The following RAB27A variants were observed in gnomAD, a reference collection of about 807,000 sequenced individuals.
The protein encoded by RAB27A is ras-related protein Rab-27A.
A neutral mutation model predicts 20.8 loss-of-function variants in RAB27A; 17 were observed. The observed-to-expected ratio is 0.82, with a 90% confidence interval of 0.56 to 1.23. The LOEUF (loss-of-function observed/expected upper bound fraction) is 1.23. Ranked by LOEUF, RAB27A falls within the 50% of genes most tolerant of loss-of-function variation. The pLI is 0.00. For synonymous variants in RAB27A, 85 were observed against 92.8 expected (o/e 0.92, Z 0.48); for missense variants, 277 against 266.7 (o/e 1.04, Z -0.27).
At chr15:55,294,849 A>G (rs749329019) in intron 2 of RAB27A, among the ~76,000 whole-genome samples, 2 of 152,104 alleles carry the variant, frequency 1.3e-5, no homozygotes, top group Non-Finnish European at 2.9e-5. Context: ...GACTTCACCA[A>G]ATTTTTTGTA....
chr15:55,304,189 G>A (rs1438402589), intron 2 of RAB27A, among the ~76,000 whole-genome samples: 11 of 151,832 alleles, frequency 7.2e-5, no homozygotes, highest in Non-Finnish European at 1.0e-4. Flanking sequence ...TCTGAAACAT[G>A]TGCTGTGTCC....
At chr15:55,253,143 A>G (rs962281583) in intron 2 of RAB27A, among the ~76,000 whole-genome samples, 5 of 147,494 alleles carry the variant, frequency 3.4e-5, no homozygotes, top group African/African-American at 5.0e-5. Flanking sequence ...GAAAAAAAAA[A>G]AAAGAAAGAA....
intron 2 of RAB27A, among the ~76,000 whole-genome samples, chr15:55,236,388 C>T (rs1034486214): frequency 2.0e-5 from 3 of 152,106 alleles, no homozygotes; most frequent in Admixed American, 6.6e-5. Context: ...AGTATCACTG[C>T]TCACTTGGGA....
At chr15:55,233,500 T>C (rs1232044384) in intron 3 of RAB27A, among the ~76,000 whole-genome samples, 1 of 152,284 alleles carries the variant, frequency 6.6e-6, no homozygotes, top group East Asian at 1.9e-4. Flanking sequence ...GTAGCTATAA[T>C]AAGTAATGAA....
intron 2 of RAB27A, among the ~76,000 whole-genome samples, chr15:55,248,042 T>G (rs1217321485): frequency 1.3e-5 from 2 of 151,406 alleles, no homozygotes; most frequent in African/African-American, 4.9e-5. Flanking sequence ...CACGCCATTC[T>G]CCTGCCTCAG....
intron 2 of RAB27A, among the ~76,000 whole-genome samples, chr15:55,299,054 C>T (rs1053654250): frequency 2.2e-4 from 33 of 152,156 alleles, no homozygotes; most frequent in Non-Finnish European, 4.0e-4. Flanking sequence ...TGACATACAT[C>T]CTCCTCAGCT....
rs1894487042 is a variant in RAB27A at position 55,203,421 on chromosome 15, T to TTC, written c.*2085_*2086insGA. ...TGATTATGACCCTGCTCTTTTTTTT[T>TTC]TTTTTTTTTTTTGAGACAGAGTCTC... On this transcript the variant is annotated 3_prime_UTR_variant, in exon 7 of 7. Transcript: ENST00000336787. The TTC allele has an allele frequency of 1.4e-5, 2 of 146,670 alleles. No homozygotes were observed. The highest frequency in any genetic ancestry group is 5.1e-5 in the African/African-American group (2 of 38,936). The allele number at this position is 146,670 out of a possible 1,614,324, so 9.1% of individuals were successfully genotyped here.
chr15:55,209,556 T>C (rs1170367492), intron 6 of RAB27A, among the ~76,000 whole-genome samples: 1 of 152,060 alleles, frequency 6.6e-6, no homozygotes, highest in African/African-American at 2.4e-5. Flanking sequence ...GGTAGATTGA[T>C]TGCATATCTT....
intron 2 of RAB27A, among the ~76,000 whole-genome samples, chr15:55,308,038 C>T (rs1390051634): frequency 6.6e-6 from 1 of 152,138 alleles, no homozygotes; most frequent in African/African-American, 2.4e-5. Context: ...TGAGGTTCCC[C>T]ATTCTATTTC....
intron 2 of RAB27A, among the ~76,000 whole-genome samples, chr15:55,313,541 T>A (rs570601292): frequency 6.6e-6 from 1 of 152,204 alleles, no homozygotes; most frequent in African/African-American, 2.4e-5. Context: ...AAGGAACATA[T>A]AGTACTTTTG....
chr15:55,214,367 T>C (rs1458312827), intron 6 of RAB27A, among the ~76,000 whole-genome samples: 3 of 151,922 alleles, frequency 2.0e-5, no homozygotes, highest in Admixed American at 6.6e-5. Flanking sequence ...ACCCAGGAGG[T>C]GGAGCTTGCT....
intron 1 of RAB27A, among the ~76,000 whole-genome samples, chr15:55,271,665 A>G (rs1378861640): frequency 6.6e-6 from 1 of 152,244 alleles, no homozygotes; most frequent in African/African-American, 2.4e-5. Flanking sequence ...TCTTGAAGAC[A>G]GGGGTTGTAT....
intron 2 of RAB27A, among the ~76,000 whole-genome samples, chr15:55,236,488 C>G (rs1331155010): frequency 6.6e-6 from 1 of 152,152 alleles, no homozygotes; most frequent in African/African-American, 2.4e-5. Flanking sequence ...GGTACTCTAT[C>G]AAGAACTGCT....
At position 55,260,650 on chromosome 15, in the gene RAB27A, C is replaced by A. The variant is rs546274964; in HGVS notation, c.-23+9515G>T. Among the ~76,000 whole-genome samples, 150 of 152,206 alleles carry A rather than the reference C, an allele frequency of 9.9e-4. 1 individual carries two copies. The highest frequency in any genetic ancestry group is 3.1e-3 in the Admixed American group (48 of 15,290). ...CAAGCCATGAAAAAACATGGAAGAA[C>A]CTTAAATGCATATTACTAACTGAAA... On this transcript the variant is annotated intron_variant, in intron 2 of 6. Transcript: ENST00000336787.
At chr15:55,218,025 C>A (rs1352974121) in intron 6 of RAB27A, among the ~76,000 whole-genome samples, 1 of 152,186 alleles carries the variant, frequency 6.6e-6, no homozygotes, top group Non-Finnish European at 1.5e-5. Context: ...AGGTCAGCAT[C>A]CTGATTTCTT....
chr15:55,262,752 C>CCT (rs1897321920), intron 2 of RAB27A, among the ~76,000 whole-genome samples: 1 of 151,764 alleles, frequency 6.6e-6, no homozygotes, highest in Non-Finnish European at 1.5e-5. Flanking sequence ...CCCGCCCCAG[C>CCT]CTCCCTTGTC....
chr15:55,274,714 G>T (rs1174146566), intron 1 of RAB27A, among the ~76,000 whole-genome samples: 2 of 147,718 alleles, frequency 1.4e-5, no homozygotes, highest in Non-Finnish European at 3.0e-5. Flanking sequence ...GGAAGCAGAA[G>T]TTGCAGTGAG....
At chr15:55,311,425 T>C (rs934470898) in intron 2 of RAB27A, among the ~76,000 whole-genome samples, 1 of 152,236 alleles carries the variant, frequency 6.6e-6, no homozygotes, top group Non-Finnish European at 1.5e-5. Context: ...CTGTGGTTCA[T>C]TGTTTACCCC....
At chr15:55,270,077 T>C (rs1192171087) in intron 2 of RAB27A, 88 bp downstream of exon 2, 1 of 151,994 alleles carries the variant, frequency 6.6e-6, no homozygotes, top group Non-Finnish European at 1.5e-5. Flanking sequence ...TTGTATGTTA[T>C]ATTGCACATA....
Sources: gnomAD v4.1 joint callset for allele counts (sites outside exome capture counted in the v4.1 genomes callset) on GRCh38, gnomAD v4.1.1 for gene constraint, MANE v1.5 for transcripts, NCBI Gene and HGNC (gene_info 2026-07-23, HGNC 2026-07-21) for gene names.